DNAJC24: variants seen among roughly 807,000 people sequenced by gnomAD.
DNAJC24 encodes DnaJ heat shock protein family (Hsp40) member C24.
DNAJC24 carries 17 observed loss-of-function variants against 18.0 expected under a neutral mutation model. The ratio of observed to expected loss-of-function variants is 0.94; its 90% CI spans 0.65 to 1.42. The LOEUF (loss-of-function observed/expected upper bound fraction) is 1.42. Ranked by LOEUF, DNAJC24 falls within the 40% of genes most tolerant of loss-of-function variation. DNAJC24 has a pLI of 0.00. For missense variants in DNAJC24, 158 were observed against 175.6 expected, an observed-to-expected ratio of 0.90 and a Z score of 0.57; for synonymous variants, 55 against 57.7, an observed-to-expected ratio of 0.95 and a Z score of 0.21.
chr11:31,378,264 ATAATTTCT>A lies in DNAJC24; in HGVS notation c.111+7406_111+7413del, dbSNP rs749308592. ...TATAACTTGTCTTGTAGTTCACATT[ATAATTTCT>A]GTTACCATAGTTAACTATTTAGCTG... On this transcript the variant is annotated intron_variant, in intron 2 of 4. Transcript: ENST00000465995. Among the ~76,000 whole-genome samples, 200 of 152,280 alleles carry A rather than the reference ATAATTTCT, an allele frequency of 1.3e-3. 1 individual carries two copies. The highest frequency in any genetic ancestry group is 2.4e-3 in the Non-Finnish European group (162 of 67,982).
chr11:31,393,016 A>C (rs1952512972), intron 2 of DNAJC24, among the ~76,000 whole-genome samples: 1 of 152,170 alleles, frequency 6.6e-6, no homozygotes, highest in Admixed American at 6.5e-5. Context: ...ACCAGACAAT[A>C]AATCTGCTAG....
chr11:31,414,998 C>T (rs1952740659), intron 3 of DNAJC24, 49 bp downstream of exon 3: 1 of 1,588,604 alleles, frequency 6.3e-7, no homozygotes, highest in African/African-American at 1.3e-5. Flanking sequence ...CTCTTAGAAG[C>T]ACACTCTGCA....
Position 31,384,315 on chromosome 11 carries a change from T to C in DNAJC24, c.111+13456T>C, listed in dbSNP as rs80093091. Among the ~76,000 whole-genome samples, 1,187 of 152,326 alleles carry C rather than the reference T, an allele frequency of 7.8e-3. 19 individuals carry two copies. Among genetic ancestry groups the C allele is most frequent in the African/African-American group, 0.027 (1,136 of 41,566 alleles). On this transcript the variant is annotated intron_variant, in intron 2 of 4. Transcript: ENST00000465995. Reference sequence around the variant, plus strand: ...ACATCATAACTCTGTTATTCCACTGTCCATATCCTATCTTTACTCTAATTG... The same window carrying C: ...ACATCATAACTCTGTTATTCCACTGCCCATATCCTATCTTTACTCTAATTG...
intron 2 of DNAJC24, among the ~76,000 whole-genome samples, chr11:31,390,482 C>T (rs1031255885): frequency 6.0e-5 from 9 of 149,934 alleles, no homozygotes; most frequent in African/African-American, 9.8e-5. Context: ...GCAAGGGGAG[C>T]GGATCACAAG....
Position 31,430,390 on chromosome 11 carries a change from C to T in DNAJC24, c.439C>T (p.His147Tyr). The T allele has an allele frequency of 6.2e-7, 1 of 1,601,770 alleles. No individual in the cohort carries two copies. Among genetic ancestry groups the T allele is most frequent in the Non-Finnish European group, 8.5e-7 (1 of 1,172,430 alleles). The change falls in exon 5 of 5, where the codon CAT becomes TAT. Residue 147 changes from histidine (H) to tyrosine (Y), a missense_variant. His to Tyr is a moderately conservative substitution (Grantham distance 83). Transcript: ENST00000465995. Reference protein sequence around the residue: ...DTCSLIIELLHYN With the variant: ...DTCSLIIELLYYN ...ATGTTCACTAATTATAGAACTCCTT[C>T]ATTATAACTAAAATTGTTCACAACT...
intron 2 of DNAJC24, among the ~76,000 whole-genome samples, chr11:31,377,722 C>G (rs999466841): frequency 2.0e-5 from 3 of 152,076 alleles, no homozygotes; most frequent in Admixed American, 2.0e-4. Flanking sequence ...AGCTTCATCT[C>G]AAAAGCTTTG....
At chr11:31,406,409 A>G (rs1040405923) in intron 2 of DNAJC24, among the ~76,000 whole-genome samples, 1 of 152,346 alleles carries the variant, frequency 6.6e-6, no homozygotes, top group East Asian at 1.9e-4. Context: ...TATTAAACAC[A>G]CAGCTTAAAT....
rs551073207 is a variant in DNAJC24, at chr11:31,404,949, C to G, written c.112-9862C>G. 1.2e-3 allele frequency among the ~76,000 whole-genome samples: 179 copies of G among 151,768 alleles called. 3 individuals are homozygous for G. In the South Asian group the frequency reaches 0.014, roughly 12 times the overall value. On this transcript the variant is annotated intron_variant, in intron 2 of 4. Transcript: ENST00000465995. ...AGTCTCTTTTTGCTGAGATTCTGAT[C>G]TCTTGTTGTTATGACACTTATTCCC...
rs966951919 is a variant in DNAJC24, at chr11:31,430,499, C to T, written c.*98C>T. 10 of 1,055,958 alleles carry T rather than the reference C, an allele frequency of 9.5e-6. No homozygotes were observed. The highest frequency in any genetic ancestry group is 4.9e-5 in the African/African-American group (3 of 61,808). 65.4% of individuals were successfully genotyped at this position (1,055,958 alleles called of 1,614,324 possible). A position where few individuals can be genotyped will look rare whatever the true frequency, so the allele number is the denominator to read the frequency against. The stretch of plus-strand genomic sequence containing the variant: ...CAAGGAAATGGATTATTTGTCAGCC[C>T]GATTATTTGCAAAGAAAATATACAA... On this transcript the variant is annotated 3_prime_UTR_variant, in exon 5 of 5. Transcript: ENST00000465995.
Position 31,411,249 on chromosome 11 carries a change from T to C in DNAJC24, c.112-3562T>C, listed in dbSNP as rs950048896. Among the ~76,000 whole-genome samples, 12 of 152,232 alleles carry C rather than the reference T, an allele frequency of 7.9e-5. No homozygotes were observed. In the South Asian group the frequency reaches 1.5e-3, roughly 18 times the overall value. Reference sequence around the variant, plus strand: ...TTTTCCCATTGGCAATAGAGAAAAATACCATATTTTTAAGAATGTGTGTAA... The same window carrying C: ...TTTTCCCATTGGCAATAGAGAAAAACACCATATTTTTAAGAATGTGTGTAA... On this transcript the variant is annotated intron_variant, in intron 2 of 4. Coordinates refer to ENST00000465995, the MANE Select transcript of DNAJC24 (RefSeq NM_181706.5).
intron 2 of DNAJC24, among the ~76,000 whole-genome samples, chr11:31,413,585 G>A (rs1170925837): frequency 6.6e-6 from 1 of 151,930 alleles, no homozygotes; most frequent in Non-Finnish European, 1.5e-5. Context: ...GCCCGCCTTG[G>A]CCTCCCTAAG....
intron 2 of DNAJC24, among the ~76,000 whole-genome samples, chr11:31,399,151 C>G (rs775730694): frequency 4.0e-4 from 61 of 152,018 alleles, no homozygotes; most frequent in Non-Finnish European, 7.9e-4. Context: ...GTTTTTATAT[C>G]TTATGTGCAG....
At chr11:31,414,605 G>A (rs1952737067) in intron 2 of DNAJC24, among the ~76,000 whole-genome samples, 1 of 152,198 alleles carries the variant, frequency 6.6e-6, no homozygotes. Flanking sequence ...GACAGATCAT[G>A]TCACTGGTGG....
chr11:31,381,782 C>G (rs569230357), intron 2 of DNAJC24, among the ~76,000 whole-genome samples: 1 of 151,716 alleles, frequency 6.6e-6, no homozygotes, highest in Non-Finnish European at 1.5e-5. Context: ...TCACCATGTT[C>G]GCCAGGCTGG....
intron 2 of DNAJC24, among the ~76,000 whole-genome samples, chr11:31,409,420 C>A (rs530222550): frequency 6.6e-6 from 1 of 152,284 alleles, no homozygotes; most frequent in South Asian, 2.1e-4. Flanking sequence ...CCTGTTCTCA[C>A]CTGGAAACCA....
At chr11:31,406,828 G>A (rs1952661899) in intron 2 of DNAJC24, among the ~76,000 whole-genome samples, 1 of 152,122 alleles carries the variant, frequency 6.6e-6, no homozygotes, top group African/African-American at 2.4e-5. Context: ...CAGTTCATGG[G>A]AGGAGGGAAA....
intron 2 of DNAJC24, among the ~76,000 whole-genome samples, chr11:31,394,523 T>G (rs1952527204): frequency 6.8e-6 from 1 of 146,112 alleles, no homozygotes; most frequent in Non-Finnish European, 1.5e-5. Context: ...ACCACACTGT[T>G]TTTTTTTCAT....
At chr11:31,386,573 G>T (rs958101370) in intron 2 of DNAJC24, among the ~76,000 whole-genome samples, 1 of 152,032 alleles carries the variant, frequency 6.6e-6, no homozygotes, top group Non-Finnish European at 1.5e-5. Flanking sequence ...CTAAAGAGAT[G>T]TTGGGCCTTG....
chr11:31,398,933 A>G (rs1452477637), intron 2 of DNAJC24, among the ~76,000 whole-genome samples: 1 of 152,208 alleles, frequency 6.6e-6, no homozygotes, highest in Non-Finnish European at 1.5e-5. Flanking sequence ...CCCTGAACCC[A>G]GAGAGTAGGT....
Sources: gnomAD v4.1 joint callset for allele counts (sites outside exome capture counted in the v4.1 genomes callset) on GRCh38, gnomAD v4.1.1 for gene constraint, MANE v1.5 for transcripts, NCBI Gene and HGNC (gene_info 2026-07-23, HGNC 2026-07-21) for gene names.